The following CSF1R variants were observed in gnomAD, a reference collection of about 807,000 sequenced individuals.
The protein encoded by CSF1R is colony stimulating factor 1 receptor.
In CSF1R, 40 loss-of-function variants were observed where a neutral mutation model predicts 110.0. The observed-to-expected ratio is 0.36, with a 90% confidence interval of 0.28 to 0.47. The LOEUF is 0.47. Among genes scored for constraint, CSF1R ranks in the 20% least tolerant of loss-of-function variants. CSF1R has a pLI of 0.99. For missense variants in CSF1R, 1,052 were observed against 1,253.0 expected, an observed-to-expected ratio of 0.84 and a Z score of 2.42; for synonymous variants, 523 against 503.4, an observed-to-expected ratio of 1.04 and a Z score of -0.52.
At chr5:150,075,868 A>T (rs1203402452) in intron 5 of CSF1R, among the ~76,000 whole-genome samples, 1 of 152,244 alleles carries the variant, frequency 6.6e-6, no homozygotes, top group Non-Finnish European at 1.5e-5. Context: ...CAAAGCTCCC[A>T]GTGCAGATTG....
chr5:150,085,293 A>C (rs2340457), intron 1 of CSF1R, among the ~76,000 whole-genome samples: 30,963 of 145,782 alleles, frequency 0.21, 4,228 homozygotes, highest in Middle Eastern at 0.3. Context: ...AAAAAAAAAA[A>C]CCCAAATACT....
At chr5:150,060,357 A>AG (rs1189757472) in intron 13 of CSF1R, among the ~76,000 whole-genome samples, 1 of 151,730 alleles carries the variant, frequency 6.6e-6, no homozygotes, top group Non-Finnish European at 1.5e-5. Context: ...TGAAAAAAAA[A>AG]AGACAACCTT....
chr5:150,105,363 A>ATATATATAT (rs1438004087), intron 1 of CSF1R, among the ~76,000 whole-genome samples: 5 of 88,176 alleles, frequency 5.7e-5, no homozygotes, highest in Non-Finnish European at 8.4e-5. Flanking sequence ...AAAAAAAAAA[A>ATATATATAT]ATATATATAT....
intron 10 of CSF1R, among the ~76,000 whole-genome samples, chr5:150,066,864 AACCCCAC>A (rs1331148591): frequency 2.0e-5 from 3 of 152,084 alleles, no homozygotes; most frequent in Non-Finnish European, 4.4e-5. Flanking sequence ...TCAGACCCCC[AACCCCAC>A]CCTGGTCCTT....
chr5:150,088,193 A>G (rs1758919983), upstream of CSF1R, among the ~76,000 whole-genome samples: 1 of 152,168 alleles, frequency 6.6e-6, no homozygotes, highest in Non-Finnish European at 1.5e-5. Context: ...AAGTGTTTTG[A>G]ACCTTTAGCA....
chr5:150,070,282 T>A lies in CSF1R; in HGVS notation c.1219A>T (p.Ile407Leu). The change falls in exon 8 of 21, where the codon ATA becomes TTA. Residue 407 changes from isoleucine to leucine, a missense_variant. Around this residue, in one of 5 missense-constraint regions of CSF1R, gnomAD observed 693 missense variants for 735.4 expected, o/e 0.94. Coordinates refer to ENST00000675795, the MANE Select transcript of CSF1R (RefSeq NM_001288705.3). ...TLRYPPEVSV[I>L]WTFINGSGTL... ...CCAGAGCCGTTGATGAATGTCCATA[T>A]GACGCTTACCTCTGGGGGGTCTGAG... The A allele has an allele frequency of 6.2e-7, 1 of 1,614,132 alleles. No homozygotes were observed. The highest frequency in any genetic ancestry group is 8.5e-7 in the Non-Finnish European group (1 of 1,179,992).
Position 150,061,109 on chromosome 5 carries a change from AAAG to A in CSF1R, c.1859-140_1859-138del, listed in dbSNP as rs1409257378. The A allele has an allele frequency of 1.8e-5, 11 of 606,254 alleles. No homozygotes were observed. In the South Asian group the frequency reaches 2.0e-4, roughly 11 times the overall value. 37.6% of individuals were successfully genotyped at this position (606,254 alleles called of 1,614,324 possible). On this transcript the variant is annotated intron_variant, in intron 12 of 20. Coordinates refer to ENST00000675795, the MANE Select transcript of CSF1R (RefSeq NM_001288705.3). ...CAAGACCCGGAGTGACCAGAAGCCA[AAAG>A]AAGGAGAAGGAAAAATGCAGACACA... is the stretch of plus-strand genomic sequence containing the variant.
intron 1 of CSF1R, among the ~76,000 whole-genome samples, chr5:150,085,660 C>T (rs1758810377): frequency 1.3e-5 from 2 of 152,050 alleles, no homozygotes; most frequent in Non-Finnish European, 2.9e-5. Flanking sequence ...CCAATCCCTC[C>T]TCTAGCCCTA....
upstream of CSF1R, among the ~76,000 whole-genome samples, chr5:150,088,797 G>A (rs1035861047): frequency 1.3e-5 from 2 of 152,198 alleles, no homozygotes; most frequent in Non-Finnish European, 2.9e-5. Flanking sequence ...GCCTCCCAAA[G>A]TGTTGGGATT....
Position 150,070,055 on chromosome 5 carries a change from T to C in CSF1R, c.1328A>G (p.Glu443Gly), listed in dbSNP as rs1757965431. The change falls in exon 9 of 21, where the codon GAG becomes GGG. Residue 443 changes from glutamate to glycine, a missense_variant. This residue lies in a region of CSF1R where 693 missense variants were observed against 735.4 expected (regional missense o/e 0.94). Transcript: ENST00000675795. ...ATCCCAGACCTGCAGCACTTGGGCC[T>C]CATCACACCTGGCAAAAGCAGAATG... ...QCSGHTDRCD[E>G]AQVLQVWDDP... 1.2e-6 allele frequency: 2 copies of C among 1,613,490 alleles called. No individual in the cohort carries two copies. The highest frequency in any genetic ancestry group is 1.7e-6 in the Non-Finnish European group (2 of 1,179,712).
intron 1 of CSF1R, among the ~76,000 whole-genome samples, chr5:150,112,611 G>T (rs1759756655): frequency 6.6e-6 from 1 of 152,224 alleles, no homozygotes; most frequent in African/African-American, 2.4e-5. Flanking sequence ...TTACAAGGCA[G>T]ATCCGGGTAT....
At chr5:150,089,392 C>T (rs1325230316), upstream of CSF1R, among the ~76,000 whole-genome samples, 1 of 152,136 alleles carries the variant, frequency 6.6e-6, no homozygotes, top group Admixed American at 6.6e-5. Flanking sequence ...ACAAGATCAA[C>T]ATACGTAACT....
At chr5:150,112,678 C>T (rs1324657139) in intron 1 of CSF1R, among the ~76,000 whole-genome samples, 2 of 152,246 alleles carry the variant, frequency 1.3e-5, no homozygotes, top group Non-Finnish European at 2.9e-5. Flanking sequence ...TGGGTGTTTT[C>T]TGAAGCCAGG....
intron 1 of CSF1R, among the ~76,000 whole-genome samples, chr5:150,081,596 A>G (rs1036851498): frequency 1.2e-4 from 19 of 152,182 alleles, no homozygotes; most frequent in Non-Finnish European, 1.0e-4. Context: ...GCCATGCCTC[A>G]GTTTCCCCAC....
chr5:150,061,658 G>A (rs1391967502), intron 11 of CSF1R, 63 bp from the exon 12 acceptor site: 2 of 1,614,004 alleles, frequency 1.2e-6, no homozygotes, highest in Non-Finnish European at 1.7e-6. Flanking sequence ...AAGGGCCCAT[G>A]GGCTCCCTGC....
Position 150,068,223 on chromosome 5 carries a change from A to T in CSF1R, c.1618T>A (p.Tyr540Asn). Residue 540 changes from tyrosine (Y) to asparagine (N), a missense_variant, in exon 10 of 21, where the codon TAT becomes AAT. By Grantham distance (143) the Tyr-to-Asn change is moderately radical. Coordinates refer to ENST00000675795, the MANE Select transcript of CSF1R (RefSeq NM_001288705.3). ...ACTCCGCTCCGGCTCACCTGCTTAT[A>T]CTTGTACAATAGCAGCAGGAGCAGC... ...LLLLLLLLYK[Y>N]KQKPKYQVRW... 1 of 1,611,206 alleles carries T rather than the reference A, an allele frequency of 6.2e-7. No homozygotes were observed. The highest frequency in any genetic ancestry group is 2.2e-5 in the East Asian group (1 of 44,850).
chr5:150,087,961 C>G (rs1044567595), upstream of CSF1R, among the ~76,000 whole-genome samples: 2 of 152,092 alleles, frequency 1.3e-5, no homozygotes, highest in African/African-American at 2.4e-5. Context: ...GTCTCAAACC[C>G]CTGAGCTCAA....
At chr5:150,067,584 C>G (rs2113803283) in intron 10 of CSF1R, among the ~76,000 whole-genome samples, 1 of 152,324 alleles carries the variant, frequency 6.6e-6, no homozygotes, top group Non-Finnish European at 1.5e-5. Context: ...GCAACATGCA[C>G]TAAATTGTGG....
At chr5:150,109,866 T>C (rs1759666235) in intron 1 of CSF1R, among the ~76,000 whole-genome samples, 1 of 152,222 alleles carries the variant, frequency 6.6e-6, no homozygotes, top group South Asian at 2.1e-4. Flanking sequence ...CTCTAAAAAA[T>C]GGGAAATAGT....
Sources: gnomAD v4.1 joint callset for allele counts (sites outside exome capture counted in the v4.1 genomes callset) on GRCh38, gnomAD v4.1.1 for gene constraint, gnomAD v4.1.1 regional missense constraint, MANE v1.5 for transcripts, NCBI Gene and HGNC (gene_info 2026-07-23, HGNC 2026-07-21) for gene names.